The following TSPAN14 variants were observed in gnomAD, a reference collection of about 807,000 sequenced individuals.
TSPAN14 encodes the protein tetraspanin 14.
TSPAN14 carries 16 observed loss-of-function variants against 36.6 expected under a neutral mutation model. That is an observed-to-expected ratio of 0.44 (90% CI 0.30 to 0.66). The LOEUF (loss-of-function observed/expected upper bound fraction) is 0.66. TSPAN14 is among the 30% of genes least tolerant of loss of function. TSPAN14 has a pLI of 0.12. For synonymous variants in TSPAN14, 139 were observed against 143.8 expected, an observed-to-expected ratio of 0.97 and a Z score of 0.24; for missense variants, 231 against 355.1, an observed-to-expected ratio of 0.65 and a Z score of 2.81.
At chr10:80,460,725 A>G (rs550129937) in intron 1 of TSPAN14, among the ~76,000 whole-genome samples, 23 of 151,892 alleles carry the variant, frequency 1.5e-4, no homozygotes, top group African/African-American at 5.3e-4. Context: ...GGCCTGCTGG[A>G]TTTCCCCTCT....
chr10:80,504,706 C>T (rs1294880456), intron 2 of TSPAN14, 22 bp from the exon 3 acceptor site: 3 of 1,614,052 alleles, frequency 1.9e-6, no homozygotes, highest in South Asian at 1.1e-5. Context: ...ACTTCCTTCT[C>T]TCTTTCCTCT....
chr10:80,520,577 C>G (rs1163688772), exon 9 of TSPAN14: 4 of 529,310 alleles, frequency 7.6e-6, no homozygotes, highest in Admixed American at 1.9e-5. Context: ...TCCTGTACCC[C>G]CTCCTCAACC....
At chr10:80,456,570 G>C (rs565171195) in intron 1 of TSPAN14, among the ~76,000 whole-genome samples, 1 of 152,196 alleles carries the variant, frequency 6.6e-6, no homozygotes, top group Non-Finnish European at 1.5e-5. Flanking sequence ...ATGTGCTCAG[G>C]AATTTGACCC....
chr10:80,494,483 C>T (rs1238370105), intron 2 of TSPAN14, among the ~76,000 whole-genome samples: 3 of 152,228 alleles, frequency 2.0e-5, no homozygotes, highest in African/African-American at 4.8e-5. Context: ...AAGACAAGCC[C>T]AAGGTGGAAA....
At chr10:80,502,200 G>A (rs1049498661) in intron 2 of TSPAN14, among the ~76,000 whole-genome samples, 4 of 152,216 alleles carry the variant, frequency 2.6e-5, no homozygotes, top group Non-Finnish European at 5.9e-5. Context: ...AAACAAGAAT[G>A]TCAGGGTGGC....
At chr10:80,521,427 G>C (rs1317509829) in exon 9 of TSPAN14, 1 of 153,358 alleles carries the variant, frequency 6.5e-6, no homozygotes, top group Non-Finnish European at 1.5e-5. Context: ...GACCTTCACA[G>C]GTGGGCCTTT....
chr10:80,501,660 G>A (rs940176558), intron 2 of TSPAN14, among the ~76,000 whole-genome samples: 55 of 152,292 alleles, frequency 3.6e-4, no homozygotes, highest in African/African-American at 1.3e-3. Flanking sequence ...ATGGGGCATC[G>A]GCCTCTGGGC....
At chr10:80,479,614 G>A (rs1402020010) in intron 1 of TSPAN14, among the ~76,000 whole-genome samples, 9 of 152,058 alleles carry the variant, frequency 5.9e-5, no homozygotes, top group African/African-American at 1.4e-4. Flanking sequence ...GATATGTGGC[G>A]TTATTTCTGA....
Position 80,473,685 on chromosome 10 carries a change from G to GTT in TSPAN14, c.-17-15517_-17-15516dup, listed in dbSNP as rs1352695254. On this transcript the variant is annotated intron_variant, in intron 1 of 8. Coordinates refer to ENST00000429989, the Ensembl canonical transcript of TSPAN14. ...TGAGCGGTTGCTGCCACCATGATGG[G>GTT]TTTTTTTTTTTTTTTTAAATTAAAG... Among the ~76,000 whole-genome samples the GTT allele has an allele frequency of 1.3e-3, 170 of 131,028 alleles. 2 individuals carry two copies. The East Asian group carries it at 0.028, about 22-fold the overall frequency. 86.0% of individuals were successfully genotyped at this position (131,028 alleles called of 152,430 possible). A position where few individuals can be genotyped will look rare whatever the true frequency, so the allele number is the denominator to read the frequency against.
chr10:80,483,755 CA>C (rs1338495917), intron 1 of TSPAN14, among the ~76,000 whole-genome samples: 1 of 151,338 alleles, frequency 6.6e-6, no homozygotes, highest in African/African-American at 2.4e-5. Flanking sequence ...ACTAAAAATA[CA>C]AAAATTAGTT....
intron 1 of TSPAN14, among the ~76,000 whole-genome samples, chr10:80,463,716 G>T (rs1846094456): frequency 6.6e-6 from 1 of 152,220 alleles, no homozygotes; most frequent in African/African-American, 2.4e-5. Context: ...CATGCTGCAG[G>T]TCTGTAGTGG....
intron 1 of TSPAN14, among the ~76,000 whole-genome samples, chr10:80,474,184 C>T (rs1212982414): frequency 6.6e-6 from 1 of 152,090 alleles, no homozygotes; most frequent in Non-Finnish European, 1.5e-5. Context: ...GGCCTGTGAT[C>T]AGGTCAGAGG....
chr10:80,461,114 G>T (rs1845942159), intron 1 of TSPAN14, among the ~76,000 whole-genome samples: 1 of 152,048 alleles, frequency 6.6e-6, no homozygotes, highest in South Asian at 2.1e-4. Flanking sequence ...CATGAGTGAG[G>T]CTCCTCCTTT....
intron 1 of TSPAN14, among the ~76,000 whole-genome samples, chr10:80,467,029 T>C (rs1846285063): frequency 6.6e-6 from 1 of 152,196 alleles, no homozygotes. Flanking sequence ...CGTTAACCAA[T>C]ACACTGGGTT....
rs530064796 is a variant in TSPAN14 at position 80,505,636 on chromosome 10, T to A, written c.132+858T>A. On this transcript the variant is annotated intron_variant, in intron 3 of 8. Transcript: ENST00000429989. ...GGACTGGATAAGGCCCACCTTCAGG[T>A]TTGGGCACCTTCCAAGTGGCCTGTG... 3.3e-3 allele frequency among the ~76,000 whole-genome samples: 497 copies of A among 152,326 alleles called. 11 individuals are homozygous for A. The highest frequency in any genetic ancestry group is 3.4e-3 in the Middle Eastern group (1 of 294).
intron 1 of TSPAN14, among the ~76,000 whole-genome samples, chr10:80,462,830 T>C (rs565458955): frequency 2.2e-4 from 33 of 152,268 alleles, no homozygotes; most frequent in African/African-American, 7.7e-4. Context: ...CTTTCTTTAG[T>C]TGCTGAAACT....
chr10:80,469,159 G>T (rs900818347), intron 1 of TSPAN14, among the ~76,000 whole-genome samples: 1 of 147,688 alleles, frequency 6.8e-6, no homozygotes, highest in South Asian at 2.3e-4. Flanking sequence ...GGGGGTGGGG[G>T]TAGGGATGGG....
At chr10:80,507,864 T>C (rs1840378269) in intron 4 of TSPAN14, among the ~76,000 whole-genome samples, 1 of 152,214 alleles carries the variant, frequency 6.6e-6, no homozygotes, top group Admixed American at 6.5e-5. Flanking sequence ...CATGTTTAGA[T>C]TTATTCAGTT....
At chr10:80,491,800 C>T (rs1426622261) in intron 2 of TSPAN14, among the ~76,000 whole-genome samples, 1 of 152,122 alleles carries the variant, frequency 6.6e-6, no homozygotes, top group African/African-American at 2.4e-5. Flanking sequence ...TGGGGCAGAA[C>T]AGGAAGGAAC....
Sources: gnomAD v4.1 joint callset for allele counts (sites outside exome capture counted in the v4.1 genomes callset) on GRCh38, gnomAD v4.1.1 for gene constraint, MANE v1.5 for transcripts, NCBI Gene and HGNC (gene_info 2026-07-23, HGNC 2026-07-21) for gene names.